GAK: variants seen among roughly 807,000 people sequenced by gnomAD.
The protein encoded by GAK is cyclin-G-associated kinase.
In GAK, 79 loss-of-function variants were observed where a neutral mutation model predicts 143.9. The ratio of observed to expected loss-of-function variants is 0.55; its 90% CI spans 0.46 to 0.66. The LOEUF (loss-of-function observed/expected upper bound fraction) is 0.66. Among genes scored for constraint, GAK ranks in the 30% least tolerant of loss-of-function variants. The pLI is 0.00. For missense variants in GAK, 1,693 were observed against 1,779.7 expected, an observed-to-expected ratio of 0.95 and a Z score of 0.88; for synonymous variants, 881 against 765.5, an observed-to-expected ratio of 1.15 and a Z score of -2.49.
At chr4:911,855 T>C (rs1722099898) in intron 3 of GAK, 68 bp from the exon 4 acceptor site, 1 of 1,192,700 alleles carries the variant, frequency 8.4e-7, no homozygotes, top group East Asian at 2.4e-5. Context: ...TCAAAATAAA[T>C]GTAGACAATA....
In GAK at chr4:849,578, C is replaced by A. The variant is rs1747687603; in HGVS notation, c.*95G>T. 19 of 952,676 alleles carry A rather than the reference C, an allele frequency of 2.0e-5. No individual in the cohort carries two copies. The highest frequency in any genetic ancestry group is 2.8e-5 in the Non-Finnish European group (17 of 607,576). 59.0% of individuals were successfully genotyped at this position (952,676 alleles called of 1,614,324 possible). ...GCTCGGAGCCCCACCCTGGCCACACCTGCTGTCGCCCACGGGGTCCTCACG... is the reference window on the plus strand; with the variant it reads ...GCTCGGAGCCCCACCCTGGCCACACATGCTGTCGCCCACGGGGTCCTCACG... On this transcript the variant is annotated 3_prime_UTR_variant, in exon 28 of 28. Coordinates refer to ENST00000314167, the MANE Select transcript of GAK (RefSeq NM_005255.4).
At chr4:876,696 CTG>C in intron 17 of GAK, 87 bp from the exon 18 acceptor site, 1 of 1,141,524 alleles carries the variant, frequency 8.8e-7, no homozygotes. Context: ...TGGGCGAGAT[CTG>C]AGAGCGGCTC....
rs1190272042 is a variant in GAK at position 865,205 on chromosome 4, G to C, written c.3083C>G (p.Ser1028Cys). The C allele has an allele frequency of 6.2e-7, 1 of 1,613,354 alleles. No homozygotes were observed. The highest frequency in any genetic ancestry group is 1.1e-5 in the South Asian group (1 of 91,020). The change falls in exon 23 of 28, where the codon TCC becomes TGC. Residue 1028 changes from serine to cysteine, a missense_variant. Around this residue, in one of 2 missense-constraint regions of GAK, gnomAD observed 822 missense variants for 788.7 expected, o/e 1.04. Transcript: ENST00000314167. ...PGEPSKMTAS[S>C]SNPDLLGGWA... The stretch of plus-strand genomic sequence containing the variant: ...TCCTCCCAGCAGGTCTGGGTTGCTG[G>C]ACGAGGCTGTCATCTTGCTGGGCTC...
intron 1 of GAK, among the ~76,000 whole-genome samples, chr4:919,906 T>A (rs1723648324): frequency 6.6e-6 from 1 of 152,128 alleles, no homozygotes; most frequent in Admixed American, 6.6e-5. Flanking sequence ...ATCCCAAAGC[T>A]TAGGGAGGCT....
At chr4:923,940 T>C (rs1490054284) in intron 1 of GAK, among the ~76,000 whole-genome samples, 1 of 152,024 alleles carries the variant, frequency 6.6e-6, no homozygotes, top group African/African-American at 2.4e-5. Flanking sequence ...ATCCCAGCAC[T>C]TTGGGAGGCC....
At chr4:925,860 C>G (rs1227295331) in intron 1 of GAK, among the ~76,000 whole-genome samples, 1 of 152,202 alleles carries the variant, frequency 6.6e-6, no homozygotes, top group Admixed American at 6.5e-5. Flanking sequence ...GTACGACGTT[C>G]TGTTACAGCA....
chr4:916,221 G>A (rs1046616296), intron 1 of GAK, among the ~76,000 whole-genome samples: 1 of 152,150 alleles, frequency 6.6e-6, no homozygotes, highest in Non-Finnish European at 1.5e-5. Flanking sequence ...CCTAATAAAG[G>A]ACTTCTATCG....
At chr4:854,451 G>C (rs540818773) in intron 24 of GAK, among the ~76,000 whole-genome samples, 1 of 152,144 alleles carries the variant, frequency 6.6e-6, no homozygotes, top group Non-Finnish European at 1.5e-5. Context: ...GCGAGTCTAC[G>C]AACTCTGCCC....
At chr4:901,946 A>G (rs1481341864) in intron 5 of GAK, among the ~76,000 whole-genome samples, 2 of 152,234 alleles carry the variant, frequency 1.3e-5, no homozygotes, top group African/African-American at 4.8e-5. Context: ...AACCACATAA[A>G]AAATGTCCTG....
chr4:851,450 G>C, intron 25 of GAK: 1 of 520,698 alleles, frequency 1.9e-6, no homozygotes, highest in Non-Finnish European at 3.4e-6. Flanking sequence ...TGCTGCCCCC[G>C]GGAACAGGGC....
intron 27 of GAK, 47 bp from the exon 28 acceptor site, chr4:849,821 C>CGGGGGGGGGG: frequency 8.4e-6 from 12 of 1,435,276 alleles, no homozygotes; most frequent in Non-Finnish European, 1.1e-5. Context: ...CATGCGGGGG[C>CGGGGGGGGGG]GGGCGGGGCA....
intron 15 of GAK, among the ~76,000 whole-genome samples, chr4:881,606 C>T (rs182825528): frequency 2.3e-4 from 35 of 150,830 alleles, no homozygotes; most frequent in Admixed American, 2.2e-3. Flanking sequence ...GGCATTTTCA[C>T]GTGCATTATC....
In GAK at chr4:877,735, G is replaced by A. The variant is rs1276720144; in HGVS notation, c.1736C>T (p.Ala579Val). ...TPHSKPILVR[A>V]VVMTPVPLFS... Reference sequence around the variant, plus strand: ...CAGCGGCACGGGTGTCATGACCACGGCCCTCACCAGGATGGGCTTGCTGTG... The same window carrying A: ...CAGCGGCACGGGTGTCATGACCACGACCCTCACCAGGATGGGCTTGCTGTG... Residue 579 changes from alanine to valine, a missense_variant, in exon 16 of 28, where the codon GCC (alanine) becomes GTC (valine). Physicochemically the swap from Ala to Val is moderately conservative, Grantham distance 64. Transcript: ENST00000314167. 6.2e-7 allele frequency: 1 copy of A among 1,613,288 alleles called. No homozygotes were observed. The highest frequency in any genetic ancestry group is 1.3e-5 in the African/African-American group (1 of 74,898).
intron 23 of GAK, among the ~76,000 whole-genome samples, chr4:863,253 G>A (rs1750608473): frequency 6.6e-6 from 1 of 152,226 alleles, no homozygotes; most frequent in African/African-American, 2.4e-5. Flanking sequence ...GCCTGCAGAT[G>A]GGACCGAATT....
intron 1 of GAK, among the ~76,000 whole-genome samples, chr4:919,037 A>G (rs76128754): frequency 8.6e-6 from 1 of 115,766 alleles, no homozygotes; most frequent in African/African-American, 3.3e-5. Context: ...GACCTTAGAA[A>G]GACAGAAGGC....
At chr4:912,703 C>T (rs771021616) in intron 3 of GAK, 32 bp downstream of exon 3, 23 of 1,598,982 alleles carry the variant, frequency 1.4e-5, no homozygotes, top group African/African-American at 9.4e-5. Context: ...CCAAAGCCAC[C>T]GTGCTGGCTC....
chr4:887,579 C>T (rs539899016), intron 11 of GAK: 1 of 151,952 alleles, frequency 6.6e-6, no homozygotes, highest in East Asian at 1.9e-4. Flanking sequence ...CACTCCTACT[C>T]ATGCGTACAC....
chr4:910,678 C>T (rs1203252277), intron 4 of GAK, among the ~76,000 whole-genome samples: 1 of 152,152 alleles, frequency 6.6e-6, no homozygotes, highest in Non-Finnish European at 1.5e-5. Context: ...TCCCCACAGG[C>T]TTCCTTCTGT....
chr4:879,926 C>T (rs1714751164), intron 15 of GAK, among the ~76,000 whole-genome samples: 7 of 152,230 alleles, frequency 4.6e-5, no homozygotes, highest in Non-Finnish European at 8.8e-5. Flanking sequence ...ATGTCGAAGG[C>T]GTTCTCATTT....
Sources: allele counts gnomAD v4.1 joint callset (sites outside exome capture counted in the v4.1 genomes callset), GRCh38; gene constraint gnomAD v4.1.1; regional missense constraint gnomAD v4.1.1; transcripts MANE v1.5; gene names NCBI Gene and HGNC (gene_info 2026-07-23, HGNC 2026-07-21).